The following XRCC4 variants were observed in gnomAD, a reference collection of about 807,000 sequenced individuals.
The protein encoded by XRCC4 is X-ray repair cross complementing 4, also known as DNA repair protein XRCC4.
Under a neutral mutation model 39.1 loss-of-function variants are expected in XRCC4, and 28 were observed. The observed-to-expected ratio is 0.72, with a 90% CI of 0.53 to 0.98. XRCC4 has a LOEUF of 0.98. XRCC4 is among the 50% of genes least tolerant of loss of function. The pLI is 0.00. For missense variants in XRCC4, 350 were observed against 376.4 expected (o/e 0.93, Z 0.58); for synonymous variants, 123 against 126.4 (o/e 0.97, Z 0.18).
intron 1 of XRCC4, among the ~76,000 whole-genome samples, chr5:83,103,339 A>T (rs981428927): frequency 6.6e-6 from 1 of 151,888 alleles, no homozygotes; most frequent in Admixed American, 6.6e-5. Context: ...TCTAACTCTA[A>T]CTTTCAGTAT....
intron 3 of XRCC4, among the ~76,000 whole-genome samples, chr5:83,115,733 A>G (rs775576043): frequency 6.6e-6 from 1 of 152,210 alleles, no homozygotes; most frequent in Non-Finnish European, 1.5e-5. Context: ...TTCACAAGTA[A>G]TGGAAGCAGC....
chr5:83,167,264 T>C (rs1478096716), intron 3 of XRCC4, among the ~76,000 whole-genome samples: 3 of 151,868 alleles, frequency 2.0e-5, no homozygotes, highest in South Asian at 4.2e-4. Flanking sequence ...TGTAGACTTA[T>C]AAATTCCAAG....
intron 7 of XRCC4, among the ~76,000 whole-genome samples, chr5:83,281,400 CACTTT>C (rs1754532506): frequency 6.6e-6 from 1 of 152,178 alleles, no homozygotes; most frequent in Non-Finnish European, 1.5e-5. Context: ...TCATGAGCTG[CACTTT>C]CCCTAACTCC....
chr5:83,294,351 A>AT (rs1430339640), intron 7 of XRCC4, among the ~76,000 whole-genome samples: 1 of 152,064 alleles, frequency 6.6e-6, no homozygotes, highest in Non-Finnish European at 1.5e-5. Flanking sequence ...AAATGTTGGT[A>AT]TTTTGAACAA....
intron 3 of XRCC4, among the ~76,000 whole-genome samples, chr5:83,175,862 G>A (rs2112633853): frequency 6.6e-6 from 1 of 152,192 alleles, no homozygotes; most frequent in Admixed American, 6.5e-5. Context: ...GCCTGCCTTG[G>A]CCTCCCAAAG....
chr5:83,211,044 A>C (rs145050480), intron 6 of XRCC4, among the ~76,000 whole-genome samples: 13 of 152,306 alleles, frequency 8.5e-5, no homozygotes, highest in Non-Finnish European at 1.0e-4. Flanking sequence ...AAACAGGCAA[A>C]TCCTTTACCC....
intron 3 of XRCC4, among the ~76,000 whole-genome samples, chr5:83,128,298 T>C (rs1032475712): frequency 1.3e-5 from 2 of 152,178 alleles, no homozygotes; most frequent in African/African-American, 4.8e-5. Context: ...ACGAAGGATA[T>C]GAACTCATCC....
chr5:83,310,813 G>A (rs751840534), intron 7 of XRCC4: 1 of 456,694 alleles, frequency 2.2e-6, no homozygotes, highest in South Asian at 1.5e-5. Flanking sequence ...AGACTTCAGA[G>A]AAAGAGGCCG....
chr5:83,123,582 CTGTT>C (rs1015954798), intron 3 of XRCC4, among the ~76,000 whole-genome samples: 1 of 151,806 alleles, frequency 6.6e-6, no homozygotes, highest in African/African-American at 2.4e-5. Context: ...TCTACTATCT[CTGTT>C]TGTTCCATCT....
At chr5:83,164,087 AC>A (rs1489516636) in intron 3 of XRCC4, among the ~76,000 whole-genome samples, 3 of 152,176 alleles carry the variant, frequency 2.0e-5, no homozygotes, top group Non-Finnish European at 2.9e-5. Context: ...TTGGATGTTA[AC>A]TTGAAAGATA....
chr5:83,214,304 C>T (rs1376761515), intron 6 of XRCC4, among the ~76,000 whole-genome samples: 2 of 152,004 alleles, frequency 1.3e-5, no homozygotes, highest in Admixed American at 6.6e-5. Context: ...AGGAACACTA[C>T]GGAATTCACT....
intron 4 of XRCC4, among the ~76,000 whole-genome samples, chr5:83,202,925 T>C (rs999348036): frequency 6.6e-6 from 1 of 152,202 alleles, no homozygotes; most frequent in African/African-American, 2.4e-5. Flanking sequence ...GTCTTACGTA[T>C]CTAAATTTGA....
intron 3 of XRCC4, among the ~76,000 whole-genome samples, chr5:83,111,948 G>GA (rs1312354453): frequency 1.3e-5 from 2 of 152,078 alleles, no homozygotes; most frequent in Non-Finnish European, 2.9e-5. Flanking sequence ...TAACAGAAAT[G>GA]TATTGAGAAT....
intron 6 of XRCC4, among the ~76,000 whole-genome samples, chr5:83,220,998 C>T (rs1383628676): frequency 6.6e-6 from 1 of 152,092 alleles, no homozygotes; most frequent in African/African-American, 2.4e-5. Flanking sequence ...CTGTAATCTG[C>T]AACCCTCCTT....
chr5:83,233,980 A>G (rs1368567810), intron 6 of XRCC4, among the ~76,000 whole-genome samples: 1 of 151,912 alleles, frequency 6.6e-6, no homozygotes, highest in Non-Finnish European at 1.5e-5. Flanking sequence ...TTACAGCACT[A>G]TGGAGATCTA....
chr5:83,196,048 T>C (rs2112702134), intron 4 of XRCC4, 112 bp downstream of exon 4: 2 of 1,114,112 alleles, frequency 1.8e-6, no homozygotes, highest in East Asian at 2.5e-5. Context: ...CACATATATA[T>C]TTACCTTAAC....
At position 83,353,417 on chromosome 5, in the gene XRCC4, G is replaced by T. The variant is rs146988657; in HGVS notation, c.*175G>T. On this transcript the variant is annotated 3_prime_UTR_variant, in exon 8 of 8. Coordinates refer to ENST00000396027, the MANE Select transcript of XRCC4 (RefSeq NM_003401.5). ...GGATTACACATGTATACAAAGATAC[G>T]ATTTGATGATGACACTGGCACATTA... is the stretch of plus-strand genomic sequence containing the variant. The T allele has an allele frequency of 4.1e-6, 2 of 483,120 alleles. No individual in the cohort carries two copies. Among genetic ancestry groups the T allele is most frequent in the Non-Finnish European group, 7.4e-6 (2 of 271,110 alleles). The allele number at this position is 483,120 out of a possible 1,614,324, so 29.9% of individuals were successfully genotyped here. A position where few individuals can be genotyped will look rare whatever the true frequency, so the allele number is the denominator to read the frequency against.
At chr5:83,287,666 T>G (rs1302967462) in intron 7 of XRCC4, among the ~76,000 whole-genome samples, 1 of 151,868 alleles carries the variant, frequency 6.6e-6, no homozygotes, top group Admixed American at 6.6e-5. Flanking sequence ...CTCCCGAAAA[T>G]GTGTAATTTT....
chr5:83,309,747 A>C (rs1755639664), intron 7 of XRCC4, among the ~76,000 whole-genome samples: 1 of 110,228 alleles, frequency 9.1e-6, no homozygotes, highest in African/African-American at 3.7e-5. Flanking sequence ...ACAGAGTGAG[A>C]CCCGTCTCAA....
Sources: gnomAD v4.1 joint callset for allele counts (sites outside exome capture counted in the v4.1 genomes callset) on GRCh38, gnomAD v4.1.1 for gene constraint, MANE v1.5 for transcripts, NCBI Gene and HGNC (gene_info 2026-07-23, HGNC 2026-07-21) for gene names.